MYO5B: variants seen among roughly 807,000 people sequenced by gnomAD.
The protein encoded by MYO5B is myosin VB.
MYO5B carries 143 observed loss-of-function variants against 229.3 expected under a neutral mutation model. The ratio of observed to expected loss-of-function variants is 0.62; its 90% confidence interval spans 0.54 to 0.72. The LOEUF is 0.72. MYO5B is among the 30% of genes least tolerant of loss of function. The probability of loss-of-function intolerance (pLI) is 0.00; values close to 1 mark genes in which losing one functional copy is unlikely to be tolerated. For synonymous variants in MYO5B, 918 were observed against 885.2 expected (o/e 1.04, Z -0.66); for missense variants, 2,321 against 2,331.0 (o/e 1.00, Z 0.09).
In MYO5B at chr18:49,980,558, A is replaced by G. The variant is rs1420272206; in HGVS notation, c.947-5T>C. The stretch of plus-strand genomic sequence containing the variant: ...TCTGATGGGACTCTTTCACTCCTGG[A>G]AAAGAAAAATGAATGGATGACACTC... On this transcript the variant is annotated splice_region_variant and splice_polypyrimidine_tract_variant and intron_variant, in intron 8 of 39. Transcript: ENST00000285039. The G allele has an allele frequency of 1.9e-6, 3 of 1,589,878 alleles. No individual in the cohort carries two copies. In the East Asian group the frequency reaches 6.7e-5, roughly 36 times the overall value.
intron 1 of MYO5B, among the ~76,000 whole-genome samples, chr18:50,071,510 C>A (rs1436347584): frequency 6.6e-6 from 1 of 152,174 alleles, no homozygotes; most frequent in African/African-American, 2.4e-5. Flanking sequence ...AAGCTATGGC[C>A]TCTCTCCCAC....
At chr18:50,122,017 A>G (rs1006431224) in intron 1 of MYO5B, among the ~76,000 whole-genome samples, 3 of 152,248 alleles carry the variant, frequency 2.0e-5, no homozygotes, top group African/African-American at 7.2e-5. Context: ...GCAGTCAAAT[A>G]GGCAGGACTG....
chr18:49,987,725 G>A (rs922090569), intron 7 of MYO5B, among the ~76,000 whole-genome samples: 2 of 152,012 alleles, frequency 1.3e-5, no homozygotes, highest in Non-Finnish European at 2.9e-5. Context: ...ATACAACCAC[G>A]GAAATGAAAA....
chr18:49,888,007 G>A (rs1615432), intron 22 of MYO5B, among the ~76,000 whole-genome samples: 87,762 of 151,890 alleles, frequency 0.58, 25,558 homozygotes, highest in Middle Eastern at 0.67. Flanking sequence ...TTATAGTAAC[G>A]CAAGAACAGT....
At chr18:49,972,331 C>A (rs1306632362) in intron 10 of MYO5B, among the ~76,000 whole-genome samples, 1 of 152,166 alleles carries the variant, frequency 6.6e-6, no homozygotes, top group Non-Finnish European at 1.5e-5. Context: ...GACTCAGCAG[C>A]CCCACGAGCC....
At chr18:49,992,172 T>C (rs2025940251) in intron 6 of MYO5B, 116 bp downstream of exon 6, 1 of 1,407,706 alleles carries the variant, frequency 7.1e-7, no homozygotes, top group Non-Finnish European at 1.0e-6. Flanking sequence ...AACAACTACA[T>C]TCAATTCCAG....
intron 22 of MYO5B, among the ~76,000 whole-genome samples, chr18:49,882,262 A>G (rs891868443): frequency 2.0e-5 from 3 of 152,126 alleles, no homozygotes; most frequent in East Asian, 1.9e-4. Flanking sequence ...TAAGTGTGGT[A>G]TATGGCAAAG....
chr18:49,942,380 C>CAA lies in MYO5B; in HGVS notation c.1753-4985_1753-4984dup, dbSNP rs753691754. ...ATTAAACTAAAGAGCTTCTGCACAG[C>CAA]AAAAAAAAAAAAAAAAAAAAAAAAA... On this transcript the variant is annotated intron_variant, in intron 14 of 39. Transcript: ENST00000285039. 7.1e-3 allele frequency among the ~76,000 whole-genome samples: 231 copies of CAA among 32,616 alleles called. 4 individuals are homozygous for CAA. The highest frequency in any genetic ancestry group is 0.014 in the African/African-American group (109 of 7,644). 21.4% of individuals were successfully genotyped at this position (32,616 alleles called of 152,430 possible).
intron 4 of MYO5B, among the ~76,000 whole-genome samples, chr18:50,027,685 C>T (rs1437443008): frequency 1.3e-5 from 2 of 152,128 alleles, no homozygotes; most frequent in African/African-American, 4.8e-5. Context: ...GAAAAAACTG[C>T]TCCATGCACA....
At chr18:49,945,082 C>T (rs149719617) in intron 14 of MYO5B, among the ~76,000 whole-genome samples, 2,130 of 152,296 alleles carry the variant, frequency 0.014, 13 homozygotes, top group Non-Finnish European at 0.021. Flanking sequence ...TAATCTTCTC[C>T]CTGCCCGGCG....
At chr18:49,943,951 A>G (rs1025291223) in intron 14 of MYO5B, among the ~76,000 whole-genome samples, 1 of 152,166 alleles carries the variant, frequency 6.6e-6, no homozygotes, top group East Asian at 1.9e-4. Flanking sequence ...ATGGGGTGGA[A>G]GTAATGGCAC....
intron 27 of MYO5B, among the ~76,000 whole-genome samples, chr18:49,868,971 T>C (rs1429188145): frequency 6.6e-6 from 1 of 152,186 alleles, no homozygotes; most frequent in Non-Finnish European, 1.5e-5. Context: ...AAGCAAAAAA[T>C]CACTACTTGT....
chr18:50,054,778 T>G (rs530393856), intron 2 of MYO5B, among the ~76,000 whole-genome samples: 2 of 152,330 alleles, frequency 1.3e-5, no homozygotes, highest in East Asian at 3.9e-4. Flanking sequence ...TTAACCCATC[T>G]TATTCTCAAA....
At chr18:49,960,379 C>T (rs375436476) in intron 12 of MYO5B, among the ~76,000 whole-genome samples, 12 of 152,272 alleles carry the variant, frequency 7.9e-5, no homozygotes, top group South Asian at 2.1e-4. Flanking sequence ...CAAGGAGCAC[C>T]GCGTTGCCCA....
intron 5 of MYO5B, among the ~76,000 whole-genome samples, chr18:49,997,369 C>CTTTTTTT: frequency 1.7e-5 from 1 of 60,348 alleles, no homozygotes; most frequent in Non-Finnish European, 2.7e-5. Context: ...TCCTTTCTTT[C>CTTTTTTT]TTTTTTTTTT....
At chr18:49,846,046 G>A (rs1363684112) in intron 33 of MYO5B, among the ~76,000 whole-genome samples, 1 of 152,184 alleles carries the variant, frequency 6.6e-6, no homozygotes, top group East Asian at 1.9e-4. Flanking sequence ...TCTGAGCAGT[G>A]GTTCTCACAG....
At chr18:50,128,109 CTG>C (rs2032195415) in intron 1 of MYO5B, among the ~76,000 whole-genome samples, 1 of 152,216 alleles carries the variant, frequency 6.6e-6, no homozygotes, top group Non-Finnish European at 1.5e-5. Flanking sequence ...CTGTTGGCCT[CTG>C]TAATTGTGTG....
Position 49,863,335 on chromosome 18 carries a change from G to T in MYO5B, c.3844-8C>A, listed in dbSNP as rs1555795011. 4 of 1,612,510 alleles carry T rather than the reference G, an allele frequency of 2.5e-6. No homozygotes were observed. Among genetic ancestry groups the T allele is most frequent in the African/African-American group, 1.3e-5 (1 of 74,864 alleles). ...GGCATTAATGTTCGGCTCCTAGAAA[G>T]CCCCAGATAAAAAAATAACTCTGGT... On this transcript the variant is annotated splice_region_variant and splice_polypyrimidine_tract_variant and intron_variant, in intron 28 of 39. Transcript: ENST00000285039.
Position 49,864,203 on chromosome 18 carries a change from C to T in MYO5B, c.3781G>A (p.Val1261Met), listed in dbSNP as rs372107755. 27 of 1,613,420 alleles carry T rather than the reference C, an allele frequency of 1.7e-5. No individual in the cohort carries two copies. The highest frequency in any genetic ancestry group is 1.6e-4 in the Middle Eastern group (1 of 6,082). The change falls in exon 28 of 40, where the codon GTG (valine) becomes ATG (methionine). Residue 1261 changes from valine to methionine, a missense_variant. Physicochemically the swap from Val to Met is conservative, Grantham distance 21. This residue lies in a region of MYO5B where 2,113 missense variants were observed against 2,044.7 expected (regional missense o/e 1.03). Transcript: ENST00000285039. ...HEELEVRKEE[V>M]LILRTQIVSA... Reference sequence around the variant, plus strand: ...ACGATCTGGGTCCTGAGGATGAGCACCTCCTCCTTGCGCACCTCGAGCTCC... The same window carrying T: ...ACGATCTGGGTCCTGAGGATGAGCATCTCCTCCTTGCGCACCTCGAGCTCC...
Sources: gnomAD v4.1 joint callset for allele counts (sites outside exome capture counted in the v4.1 genomes callset) on GRCh38, gnomAD v4.1.1 for gene constraint, gnomAD v4.1.1 regional missense constraint, MANE v1.5 for transcripts, NCBI Gene and HGNC (gene_info 2026-07-23, HGNC 2026-07-21) for gene names.